Variants in ADGRL2 observed in about 807,000 individuals in gnomAD.
ADGRL2 encodes the protein calcium-independent alpha-latrotoxin receptor 2.
In ADGRL2, 44 loss-of-function variants were observed where a neutral mutation model predicts 157.4. That is an observed-to-expected ratio of 0.28 (90% CI 0.22 to 0.36). The LOEUF is 0.36. ADGRL2 is among the 10% of genes least tolerant of loss of function. The probability of loss-of-function intolerance (pLI) is 1.00; values close to 1 mark genes in which losing one functional copy is unlikely to be tolerated. For missense variants in ADGRL2, 1,510 were observed against 1,768.9 expected, an observed-to-expected ratio of 0.85 and a Z score of 2.63; for synonymous variants, 585 against 624.7, an observed-to-expected ratio of 0.94 and a Z score of 0.95.
At chr1:81,359,933 AT>A (rs1557626365) in intron 1 of ADGRL2, among the ~76,000 whole-genome samples, 1 of 151,972 alleles carries the variant, frequency 6.6e-6, no homozygotes, top group East Asian at 1.9e-4. Context: ...TGCCTCCAGA[AT>A]TTATCTTCAC....
intron 3 of ADGRL2, among the ~76,000 whole-genome samples, chr1:81,650,552 G>A (rs2082396908): frequency 6.9e-6 from 1 of 144,260 alleles, no homozygotes; most frequent in Non-Finnish European, 1.5e-5. Flanking sequence ...CTCTAGCCTG[G>A]CAACAGAGTG....
intron 2 of ADGRL2, among the ~76,000 whole-genome samples, chr1:81,459,654 T>C (rs1415073883): frequency 1.3e-5 from 2 of 152,074 alleles, no homozygotes; most frequent in South Asian, 2.1e-4. Context: ...ATAATCTCTT[T>C]AAGATTCTGA....
intron 1 of ADGRL2, among the ~76,000 whole-genome samples, chr1:81,343,278 C>T (rs566205100): frequency 7.9e-5 from 12 of 151,582 alleles, no homozygotes; most frequent in South Asian, 2.1e-4. Flanking sequence ...TTAGTAGGGA[C>T]GGGGTTTTAC....
intron 2 of ADGRL2, among the ~76,000 whole-genome samples, chr1:81,490,130 CTTTTTT>C (rs59757979): frequency 7.5e-6 from 1 of 132,480 alleles, no homozygotes; most frequent in African/African-American, 2.8e-5. Flanking sequence ...TTAACATATT[CTTTTTT>C]TTTTTTTTTT....
chr1:81,560,918 T>G (rs2148450014), intron 2 of ADGRL2, among the ~76,000 whole-genome samples: 1 of 152,294 alleles, frequency 6.6e-6, no homozygotes, highest in African/African-American at 2.4e-5. Context: ...CATTTTTGCC[T>G]TCTTGCTGTT....
At chr1:81,385,772 C>A (rs1557647530) in intron 1 of ADGRL2, among the ~76,000 whole-genome samples, 1 of 152,016 alleles carries the variant, frequency 6.6e-6, no homozygotes, top group Non-Finnish European at 1.5e-5. Flanking sequence ...AGACGCTCTG[C>A]AATATTCATA....
At chr1:81,686,859 A>G (rs1286300797) in intron 3 of ADGRL2, among the ~76,000 whole-genome samples, 1 of 152,150 alleles carries the variant, frequency 6.6e-6, no homozygotes, top group Non-Finnish European at 1.5e-5. Context: ...AGTTTGAATA[A>G]TTTTTAAATT....
At position 81,949,242 on chromosome 1, in the gene ADGRL2, G is replaced by C. The variant is rs190326411; in HGVS notation, c.1211-947G>C. Among the ~76,000 whole-genome samples, 77 of 152,274 alleles carry C rather than the reference G, an allele frequency of 5.1e-4. No individual in the cohort carries two copies. In the East Asian group the frequency reaches 0.013, roughly 27 times the overall value. ...TTCCTCCAACAGTTTTTAAGTGGTAGTATTAAATTTTTACTGACAGATTTT... is the reference window on the plus strand; with the variant it reads ...TTCCTCCAACAGTTTTTAAGTGGTACTATTAAATTTTTACTGACAGATTTT... On this transcript the variant is annotated intron_variant, in intron 6 of 23. Transcript: ENST00000686636.
At chr1:81,721,693 A>T in intron 1 of ADGRL2, 1 of 1,321,340 alleles carries the variant, frequency 7.6e-7, no homozygotes, top group Non-Finnish European at 1.1e-6. Flanking sequence ...CTTCCTGACC[A>T]TGGACCCCCC....
chr1:81,389,065 G>A (rs962231336), intron 1 of ADGRL2, among the ~76,000 whole-genome samples: 1 of 152,046 alleles, frequency 6.6e-6, no homozygotes, highest in Non-Finnish European at 1.5e-5. Context: ...TTGCTTCTCT[G>A]GATCCCCACC....
chr1:81,532,808 C>T (rs1181637189), intron 2 of ADGRL2, among the ~76,000 whole-genome samples: 1 of 151,100 alleles, frequency 6.6e-6, no homozygotes, highest in Non-Finnish European at 1.5e-5. Context: ...TGGTCCCAGC[C>T]ACTCGGGAGG....
Position 81,419,782 on chromosome 1 carries a change from G to T in ADGRL2, c.-301-25254G>T, listed in dbSNP as rs181585994. The stretch of plus-strand genomic sequence containing the variant: ...GAGAATCACAAATGCTGTAGTGCAG[G>T]ATAGGAGACCCACATAGTGGTTTTA... On this transcript the variant is annotated intron_variant, in intron 1 of 24. Coordinates refer to the ADGRL2 transcript ENST00000370721. Among the ~76,000 whole-genome samples, 12 of 152,296 alleles carry T rather than the reference G, an allele frequency of 7.9e-5. No individual in the cohort carries two copies. The East Asian group carries it at 2.3e-3, about 29-fold the overall frequency.
chr1:81,645,963 A>C (rs1347041033), intron 3 of ADGRL2, among the ~76,000 whole-genome samples: 1 of 152,130 alleles, frequency 6.6e-6, no homozygotes, highest in East Asian at 1.9e-4. Context: ...AGCTTGAGAG[A>C]TTTCCACACT....
At chr1:81,961,368 A>T (rs1431157673) in intron 11 of ADGRL2, among the ~76,000 whole-genome samples, 1 of 152,154 alleles carries the variant, frequency 6.6e-6, no homozygotes, top group Non-Finnish European at 1.5e-5. Context: ...CCTGATTCAT[A>T]TCATGAATGA....
chr1:81,950,116 A>G, intron 6 of ADGRL2, 73 bp from the exon 7 acceptor site: 1 of 1,281,820 alleles, frequency 7.8e-7, no homozygotes, highest in Non-Finnish European at 1.1e-6. Context: ...GCATGCACAC[A>G]TTCCATGTGT....
chr1:81,439,470 G>A (rs1164077048), intron 1 of ADGRL2, among the ~76,000 whole-genome samples: 1 of 152,204 alleles, frequency 6.6e-6, no homozygotes, highest in Non-Finnish European at 1.5e-5. Context: ...CCCCTTCACT[G>A]GACTCGCGGC....
intron 1 of ADGRL2, chr1:81,427,250 G>A (rs559999258): frequency 2.0e-5 from 15 of 755,820 alleles, no homozygotes; most frequent in East Asian, 9.8e-5. Context: ...TGGTGGCAGC[G>A]GAAATAGTTA....
intron 3 of ADGRL2, among the ~76,000 whole-genome samples, chr1:81,912,796 AGAACAT>A (rs1055765564): frequency 2.0e-5 from 3 of 152,208 alleles, no homozygotes; most frequent in African/African-American, 4.8e-5. Context: ...CTCAAATAAA[AGAACAT>A]GTTAGGATTT....
chr1:81,341,842 T>G lies in ADGRL2; in HGVS notation c.-302+35333T>G, dbSNP rs565751948. Among the ~76,000 whole-genome samples the G allele has an allele frequency of 1.1e-3, 171 of 152,308 alleles. 2 individuals carry two copies. Among genetic ancestry groups the G allele is most frequent in the Admixed American group, 9.2e-3 (141 of 15,298 alleles). ...CTCTAGTAAATGCTAGTAACTGCAT[T>G]TATTTTAGATCAAAATTTGAACTAA... is the stretch of plus-strand genomic sequence containing the variant. On this transcript the variant is annotated intron_variant, in intron 1 of 24. Coordinates refer to the ADGRL2 transcript ENST00000370721.
Sources: gnomAD v4.1 joint callset for allele counts (sites outside exome capture counted in the v4.1 genomes callset) on GRCh38, gnomAD v4.1.1 for gene constraint, MANE v1.5 for transcripts, NCBI Gene and HGNC (gene_info 2026-07-23, HGNC 2026-07-21) for gene names.